The following HTR4 variants were observed in gnomAD, a reference collection of about 807,000 sequenced individuals.
HTR4 encodes 5-hydroxytryptamine (serotonin) receptor 4, G protein-coupled.
HTR4 carries 16 observed loss-of-function variants against 36.8 expected under a neutral mutation model. That is an observed-to-expected ratio of 0.43 (90% CI 0.29 to 0.66). The LOEUF (loss-of-function observed/expected upper bound fraction) is 0.66. HTR4 is among the 30% of genes least tolerant of loss of function. The pLI is 0.13. For missense variants in HTR4, 438 were observed against 490.9 expected (o/e 0.89, Z 1.02); for synonymous variants, 189 against 185.1 (o/e 1.02, Z -0.17).
chr5:148,477,910 C>A (rs1755750102), downstream of HTR4, among the ~76,000 whole-genome samples: 1 of 152,194 alleles, frequency 6.6e-6, no homozygotes, highest in South Asian at 2.1e-4. Context: ...TCCCCTGTCA[C>A]AGAGCTCACC....
chr5:148,515,582 G>T (rs1233970387), intron 5 of HTR4, among the ~76,000 whole-genome samples: 1 of 152,084 alleles, frequency 6.6e-6, no homozygotes, highest in Non-Finnish European at 1.5e-5. Context: ...AATGTTTAAA[G>T]CATATTTTCA....
chr5:148,571,921 T>A (rs897689804), intron 2 of HTR4, among the ~76,000 whole-genome samples: 3 of 152,152 alleles, frequency 2.0e-5, no homozygotes, highest in African/African-American at 7.2e-5. Flanking sequence ...CATGAATATC[T>A]AATTTGACAA....
intron 5 of HTR4, chr5:148,466,022 A>G: frequency 1.3e-6 from 2 of 1,553,754 alleles, no homozygotes; most frequent in Admixed American, 4.2e-5. Flanking sequence ...TAGTAGACAC[A>G]TGATCTCAGC....
downstream of HTR4, among the ~76,000 whole-genome samples, chr5:148,474,542 A>T (rs1301292085): frequency 6.6e-6 from 1 of 152,208 alleles, no homozygotes; most frequent in African/African-American, 2.4e-5. Context: ...CCAAGTTTTT[A>T]AAAGTACAGA....
chr5:148,650,050 T>G (rs1753988957), intron 1 of HTR4, among the ~76,000 whole-genome samples: 1 of 152,072 alleles, frequency 6.6e-6, no homozygotes, highest in African/African-American at 2.4e-5. Flanking sequence ...TTTTAATTTG[T>G]AATTTTTGTG....
chr5:148,647,531 G>A (rs1753908368), intron 1 of HTR4, among the ~76,000 whole-genome samples: 1 of 152,166 alleles, frequency 6.6e-6, no homozygotes, highest in South Asian at 2.1e-4. Context: ...CCTTACAGGG[G>A]AGACAAAGCT....
intron 2 of HTR4, among the ~76,000 whole-genome samples, chr5:148,634,823 G>A (rs1753471477): frequency 6.6e-6 from 1 of 152,070 alleles, no homozygotes; most frequent in Non-Finnish European, 1.5e-5. Flanking sequence ...CAAGTAAAAG[G>A]ATTCTTTTCC....
chr5:148,472,629 T>C (rs1755597953), downstream of HTR4, among the ~76,000 whole-genome samples: 1 of 152,140 alleles, frequency 6.6e-6, no homozygotes, highest in Non-Finnish European at 1.5e-5. Flanking sequence ...AAAAATGTAT[T>C]AAACAGGTCA....
Position 148,540,147 on chromosome 5 carries a change from G to A in HTR4, c.353+8521C>T, listed in dbSNP as rs7721003. Among the ~76,000 whole-genome samples, 911 of 151,762 alleles carry A rather than the reference G, an allele frequency of 6.0e-3. 11 individuals are homozygous for A. The highest frequency in any genetic ancestry group is 0.021 in the African/African-American group (868 of 41,384). On this transcript the variant is annotated intron_variant, in intron 4 of 6. Transcript: ENST00000377888. ...AGAAAACCAAATACTGCATGTTCTC[G>A]TTTATAAATGGGAGCTAAATGACGA...
chr5:148,467,901 C>T (rs1248380825), intron 5 of HTR4, among the ~76,000 whole-genome samples: 3 of 152,196 alleles, frequency 2.0e-5, no homozygotes, highest in African/African-American at 7.2e-5. Context: ...ACCACAAACC[C>T]TTGAGGTTGG....
At chr5:148,549,119 A>C (rs183690110) in intron 3 of HTR4, among the ~76,000 whole-genome samples, 1 of 152,284 alleles carries the variant, frequency 6.6e-6, no homozygotes, top group African/African-American at 2.4e-5. Context: ...ACCTTATACC[A>C]AAACCTCTTT....
At chr5:148,485,037 G>A (rs1277289460) in intron 6 of HTR4, among the ~76,000 whole-genome samples, 2 of 152,154 alleles carry the variant, frequency 1.3e-5, no homozygotes, top group East Asian at 3.9e-4. Context: ...AAGGAAGAAG[G>A]AAAGGAAGGA....
chr5:148,601,342 T>C (rs1395006686), intron 2 of HTR4, among the ~76,000 whole-genome samples: 1 of 152,140 alleles, frequency 6.6e-6, no homozygotes, highest in Non-Finnish European at 1.5e-5. Flanking sequence ...TTCTGTGTAT[T>C]TATCCAAGGA....
At chr5:148,601,174 TA>T (rs894984169) in intron 2 of HTR4, among the ~76,000 whole-genome samples, 10 of 151,404 alleles carry the variant, frequency 6.6e-5, no homozygotes, top group South Asian at 6.3e-4. Context: ...TTGCTATTAT[TA>T]AAAAAAATAA....
intron 6 of HTR4, among the ~76,000 whole-genome samples, chr5:148,505,098 A>G (rs1757130102): frequency 6.6e-6 from 1 of 152,186 alleles, no homozygotes; most frequent in Non-Finnish European, 1.5e-5. Context: ...AATATCCCTG[A>G]TGAACACTGA....
chr5:148,608,765 C>A (rs2127277463), intron 2 of HTR4, among the ~76,000 whole-genome samples: 1 of 152,326 alleles, frequency 6.6e-6, no homozygotes, highest in African/African-American at 2.4e-5. Context: ...GTGTGACCAA[C>A]AAGGAGGATA....
intron 5 of HTR4, among the ~76,000 whole-genome samples, chr5:148,460,599 G>C (rs909464435): frequency 5.3e-5 from 8 of 151,720 alleles, no homozygotes; most frequent in African/African-American, 1.9e-4. Flanking sequence ...GAAATTGAGG[G>C]AATTTGTTGC....
chr5:148,559,292 G>T (rs116558799), intron 2 of HTR4, among the ~76,000 whole-genome samples: 98 of 152,184 alleles, frequency 6.4e-4, no homozygotes, highest in Middle Eastern at 3.4e-3. Context: ...CCATCATGTC[G>T]GGGACCATCT....
At chr5:148,455,637 C>G (rs549407133) in intron 5 of HTR4, among the ~76,000 whole-genome samples, 1 of 152,054 alleles carries the variant, frequency 6.6e-6, no homozygotes, top group African/African-American at 2.4e-5. Flanking sequence ...TACAGTTGAT[C>G]GTTGAACAGT....
Sources: allele counts gnomAD v4.1 joint callset (sites outside exome capture counted in the v4.1 genomes callset), GRCh38; gene constraint gnomAD v4.1.1; transcripts MANE v1.5; gene names NCBI Gene and HGNC (gene_info 2026-07-23, HGNC 2026-07-21).